Variants in TTBK1 observed in about 807,000 individuals in gnomAD.
TTBK1 encodes the protein tau tubulin kinase 1.
A neutral mutation model predicts 108.5 loss-of-function variants in TTBK1; 34 were observed. The observed-to-expected ratio is 0.31, with a 90% CI of 0.24 to 0.42. The LOEUF (loss-of-function observed/expected upper bound fraction) is 0.42. Among genes scored for constraint, TTBK1 ranks in the 10% least tolerant of loss-of-function variants. TTBK1 has a pLI of 1.00. For synonymous variants in TTBK1, 809 were observed against 795.1 expected (o/e 1.02, Z -0.29); for missense variants, 1,539 against 1,826.0 (o/e 0.84, Z 2.86).
chr6:43,252,546 C>T (rs538449823), intron 2 of TTBK1, among the ~76,000 whole-genome samples, 193 bp from the exon 3 acceptor site: 3 of 151,506 alleles, frequency 2.0e-5, no homozygotes, highest in East Asian at 3.9e-4. Flanking sequence ...TGTTTGAACA[C>T]GGAAGGCGGA....
chr6:43,256,444 C>T (rs779712413), intron 9 of TTBK1, among the ~76,000 whole-genome samples: 1 of 149,782 alleles, frequency 6.7e-6, no homozygotes, highest in African/African-American at 2.4e-5. Context: ...CAGCTCTTAA[C>T]AATTAATGAA....
rs554374165 is a variant in TTBK1 at position 43,284,858 on chromosome 6, T to C, written c.3573-125T>C. 4.0e-5 allele frequency: 54 copies of C among 1,362,862 alleles called. No homozygotes were observed. The African/African-American group carries it at 7.6e-4, about 19-fold the overall frequency. The allele number at this position is 1,362,862 out of a possible 1,614,324, so 84.4% of individuals were successfully genotyped here. On this transcript the variant is annotated intron_variant, in intron 14 of 14. Transcript: ENST00000259750. ...GGCCTCAGTTTACCCATCTGTGCCA[T>C]GGTCTCAGTCTCAGCTCTGAGGATG...
chr6:43,263,052 C>T lies in TTBK1; in HGVS notation c.1688C>T (p.Thr563Ile). Residue 563 changes from threonine (T) to isoleucine (I), a missense_variant, in exon 13 of 15, where the codon ACA (threonine) becomes ATA (isoleucine). By Grantham distance (89) the Thr-to-Ile change is moderately conservative. Around this residue, in one of 5 missense-constraint regions of TTBK1, gnomAD observed 1,055 missense variants for 1,086.5 expected, o/e 0.97. Coordinates refer to ENST00000259750, the MANE Select transcript of TTBK1 (RefSeq NM_032538.3). This position sits in a 1 kb window ranked among gnomAD's most constrained non-coding sequence, Gnocchi z 4.7. ...TTCCCTCCAGGGGCTGAGCCCAGCA[C>T]ATCGGGCACCACGGATGAGGAGCCC... ...KDFPPGAEPSTSGTTDEEPEE... is the reference protein window; with the variant it reads ...KDFPPGAEPSISGTTDEEPEE... The T allele has an allele frequency of 1.3e-6, 2 of 1,587,076 alleles. No individual in the cohort carries two copies. The highest frequency in any genetic ancestry group is 1.7e-6 in the Non-Finnish European group (2 of 1,167,054).
chr6:43,281,940 G>C (rs918565337), intron 13 of TTBK1, among the ~76,000 whole-genome samples: 1 of 152,186 alleles, frequency 6.6e-6, no homozygotes, highest in Non-Finnish European at 1.5e-5. Context: ...GGAGGCTAAG[G>C]GGGACATGGC....
At position 43,273,152 on chromosome 6, in the gene TTBK1, T is replaced by G. The variant is rs1175835256; in HGVS notation, c.1987-9575T>G. ...CATTCAACAAATTAATCAGAACATT[T>G]TATTTACCAGAACATATAAAAAACC... On this transcript the variant is annotated intron_variant, in intron 13 of 14. Coordinates refer to ENST00000259750, the MANE Select transcript of TTBK1 (RefSeq NM_032538.3). The surrounding 1 kb of genome is among the most constrained non-coding windows in gnomAD (Gnocchi z 4.2). 6.6e-6 allele frequency among the ~76,000 whole-genome samples: 1 copy of G among 152,202 alleles called. No individual in the cohort carries two copies. Among genetic ancestry groups the G allele is most frequent in the Non-Finnish European group, 1.5e-5 (1 of 68,030 alleles).
intron 13 of TTBK1, among the ~76,000 whole-genome samples, chr6:43,281,764 G>A (rs1414540495): frequency 2.0e-5 from 3 of 152,172 alleles, no homozygotes; most frequent in Non-Finnish European, 4.4e-5. Context: ...GCTGGACATC[G>A]TCAGCACCGT....
Position 43,243,741 on chromosome 6 carries a change from C to CGGGGGCTCCTTCGTGGGCTCA in TTBK1, c.-55+43_-55+63dup, listed in dbSNP as rs1777016011. 1 of 151,150 alleles carries CGGGGGCTCCTTCGTGGGCTCA rather than the reference C, an allele frequency of 6.6e-6. No homozygotes were observed. The allele number at this position is 151,150 out of a possible 1,614,324, so 9.4% of individuals were successfully genotyped here. ...GGGGCGGGGCGGGCCGGGGTCGGGG[C>CGGGGGCTCCTTCGTGGGCTCA]GGGGGCTCCTTCGTGGGCTCAGGGG... On this transcript the variant is annotated intron_variant, in intron 1 of 14. Transcript: ENST00000259750. The surrounding 1 kb of genome is among the most constrained non-coding windows in gnomAD (Gnocchi z 5.5).
At chr6:43,270,403 C>G (rs1385512405) in intron 13 of TTBK1, 1 of 993,878 alleles carries the variant, frequency 1.0e-6, no homozygotes, top group Non-Finnish European at 1.2e-6. Context: ...AGGCCAAGAC[C>G]CTCCTTGCAT....
At position 43,246,817 on chromosome 6, in the gene TTBK1, C is replaced by A. The variant is rs376431884; in HGVS notation, c.108+49C>A. The A allele has an allele frequency of 4.4e-5, 66 of 1,492,922 alleles. No individual in the cohort carries two copies. The South Asian group carries it at 5.7e-4, about 13-fold the overall frequency. 92.5% of individuals were successfully genotyped at this position (1,492,922 alleles called of 1,614,324 possible). ...AGAGGGAGGGTAGCGGGGAGGGAGG[C>A]GAGGACCTGGAGACTTGTTAAAACC... On this transcript the variant is annotated intron_variant, in intron 2 of 14. Transcript: ENST00000259750.
chr6:43,272,096 C>T (rs1777849442), intron 13 of TTBK1: 2 of 985,522 alleles, frequency 2.0e-6, no homozygotes, highest in African/African-American at 1.7e-5. Flanking sequence ...CCCCCAGCCA[C>T]CTCCTCTTGC....
In TTBK1 at chr6:43,259,014, A is replaced by G; in HGVS notation, c.1017-24A>G. ...GAGGGCACCCCTGCCAGCCTTGCCC[A>G]TGGCTCCCTCCTGCCCTCTCCAGGG... On this transcript the variant is annotated intron_variant, in intron 10 of 14. Coordinates refer to ENST00000259750, the MANE Select transcript of TTBK1 (RefSeq NM_032538.3). The surrounding 1 kb of genome is among the most constrained non-coding windows in gnomAD (Gnocchi z 6.7). 5 of 1,582,874 alleles carry G rather than the reference A, an allele frequency of 3.2e-6. No homozygotes were observed. The highest frequency in any genetic ancestry group is 2.7e-5 in the African/African-American group (2 of 74,452).
rs185182460 is a variant in TTBK1, at chr6:43,277,445, G to A, written c.1987-5282G>A. 1.8e-3 allele frequency among the ~76,000 whole-genome samples: 272 copies of A among 152,226 alleles called. 4 individuals carry two copies. Among genetic ancestry groups the A allele is most frequent in the Non-Finnish European group, 8.4e-4 (57 of 67,990 alleles). ...CCCCCCATACCTCCACCCCATCCCC[G>A]CACACTGCCAACCAGAAAGGCAAAG... On this transcript the variant is annotated intron_variant, in intron 13 of 14. Transcript: ENST00000259750.
Position 43,253,463 on chromosome 6 carries a change from C to T in TTBK1, c.330+99C>T. 1 of 1,591,284 alleles carries T rather than the reference C, an allele frequency of 6.3e-7. No homozygotes were observed. Among genetic ancestry groups the T allele is most frequent in the Non-Finnish European group, 8.6e-7 (1 of 1,164,700 alleles). ...GGTAGACTGTGGCCCTGGGAAAGGG[C>T]AGTGGGCACAACCCTTTGGGGTGAG... On this transcript the variant is annotated intron_variant, in intron 4 of 14. Coordinates refer to ENST00000259750, the MANE Select transcript of TTBK1 (RefSeq NM_032538.3). The surrounding 1 kb of genome is among the most constrained non-coding windows in gnomAD (Gnocchi z 5.8).
Position 43,255,541 on chromosome 6 carries a change from C to A in TTBK1, c.643-11C>A. ...TGAGAGCTGCAGGTGACTCCCTCCC[C>A]CCACCTCCAGGAGATGGGCCGCCAC... On this transcript the variant is annotated splice_polypyrimidine_tract_variant and intron_variant, in intron 7 of 14. Transcript: ENST00000259750. 2.5e-6 allele frequency: 4 copies of A among 1,590,152 alleles called. 1 individual carries two copies. The South Asian group carries it at 4.5e-5, about 18-fold the overall frequency.
At chr6:43,266,256 G>T (rs1777674467) in intron 13 of TTBK1, among the ~76,000 whole-genome samples, 1 of 152,254 alleles carries the variant, frequency 6.6e-6, no homozygotes, top group Admixed American at 6.5e-5. Context: ...CTGCATGTGG[G>T]TGCACACATT....
At chr6:43,247,462 T>C (rs572100173) in intron 2 of TTBK1, among the ~76,000 whole-genome samples, 1 of 152,296 alleles carries the variant, frequency 6.6e-6, no homozygotes, top group African/African-American at 2.4e-5. Context: ...CCTCCCTTTT[T>C]CCGTCACTTA....
intron 13 of TTBK1, among the ~76,000 whole-genome samples, chr6:43,266,365 TA>T (rs1777676583): frequency 6.6e-6 from 1 of 152,152 alleles, no homozygotes; most frequent in South Asian, 2.1e-4. Context: ...ACAATTGGAG[TA>T]ATAATTCTAA....
chr6:43,277,386 G>T (rs1336751276), intron 13 of TTBK1, among the ~76,000 whole-genome samples: 1 of 152,088 alleles, frequency 6.6e-6, no homozygotes, highest in African/African-American at 2.4e-5. Flanking sequence ...AGAGAGAGGG[G>T]AAAGGTGAGG....
At position 43,246,675 on chromosome 6, in the gene TTBK1, G is replaced by A; in HGVS notation, c.15G>A (p.Ala5=). 1 of 1,607,880 alleles carries A rather than the reference G, an allele frequency of 6.2e-7. No individual in the cohort carries two copies. Among genetic ancestry groups the A allele is most frequent in the East Asian group, 2.2e-5 (1 of 44,552 alleles). MQCL[A]AALKDETNMS... is the part of the protein sequence containing the mutation. ...CTGGCTGGCGGATGCAGTGCCTAGC[G>A]GCCGCCCTTAAGGACGAAACCAACA... Residue 5 remains alanine (A), a synonymous_variant, in exon 2 of 15, where the codon GCG becomes GCA. Coordinates refer to ENST00000259750, the MANE Select transcript of TTBK1 (RefSeq NM_032538.3).
Sources: gnomAD v4.1 joint callset for allele counts (sites outside exome capture counted in the v4.1 genomes callset) on GRCh38, gnomAD v4.1.1 for gene constraint, gnomAD v4.1.1 regional missense constraint, Gnocchi (gnomAD v3.1) non-coding constraint, MANE v1.5 for transcripts, NCBI Gene and HGNC (gene_info 2026-07-23, HGNC 2026-07-21) for gene names.